The following SYNE2 variants were observed in gnomAD, a reference collection of about 807,000 sequenced individuals.
SYNE2 encodes the protein spectrin repeat containing nuclear envelope protein 2.
SYNE2 carries 431 observed loss-of-function variants against 856.3 expected under a neutral mutation model. The ratio of observed to expected loss-of-function variants is 0.50; its 90% CI spans 0.47 to 0.55. The LOEUF (loss-of-function observed/expected upper bound fraction) is 0.55. SYNE2 is among the 20% of genes least tolerant of loss of function. The pLI, the probability that SYNE2 is intolerant of heterozygous loss-of-function variation, is 0.00. For missense variants in SYNE2, 8,129 were observed against 8,023.2 expected (o/e 1.01, Z -0.50); for synonymous variants, 2,923 against 2,872.3 (o/e 1.02, Z -0.56).
rs200109813 is a variant in SYNE2, at chr14:64,070,844, G to C, written c.10631G>C (p.Ser3544Thr). The part of the protein sequence containing the change: ...RIRSIQNVPE[S>T]SGAVETVPAF... Reference sequence around the variant, plus strand: ...AGAAGTATCCAGAATGTTCCTGAAAGCTCAGGGGCTGTGGAAACTGTTCCA... The same window carrying C: ...AGAAGTATCCAGAATGTTCCTGAAACCTCAGGGGCTGTGGAAACTGTTCCA... The change falls in exon 52 of 116, where the codon AGC (serine) becomes ACC (threonine). Residue 3544 changes from serine (S) to threonine (T), a missense_variant. Ser to Thr is a moderately conservative substitution (Grantham distance 58). This residue lies in a region of SYNE2 where 5,410 missense variants were observed against 5,284.8 expected (regional missense o/e 1.02). Transcript: ENST00000555002. 1 of 1,614,184 alleles carries C rather than the reference G, an allele frequency of 6.2e-7. No homozygotes were observed. The highest frequency in any genetic ancestry group is 1.1e-5 in the South Asian group (1 of 91,086).
chr14:63,941,858 A>G (rs755703872), intron 4 of SYNE2, 27 bp from the exon 5 acceptor site: 76 of 1,612,114 alleles, frequency 4.7e-5, no homozygotes, highest in Non-Finnish European at 4.7e-5. Context: ...ATTTTTTCTG[A>G]GTAATATATT....
chr14:63,917,154 A>C (rs1297682695), intron 2 of SYNE2, among the ~76,000 whole-genome samples: 1 of 152,190 alleles, frequency 6.6e-6, no homozygotes, highest in African/African-American at 2.4e-5. Flanking sequence ...CTTTTGTAGT[A>C]AAGTCCCCAG....
rs753598628 is a variant in SYNE2 at position 64,220,614 on chromosome 14, C to T, written c.20038C>T (p.Arg6680Ter). 8 of 1,613,996 alleles carry T rather than the reference C, an allele frequency of 5.0e-6. No homozygotes were observed. The highest frequency in any genetic ancestry group is 2.2e-5 in the East Asian group (1 of 44,888). Residue 6680 changes from arginine to a stop codon, truncating the protein, a stop_gained, in exon 111 of 116, where the codon CGA becomes TGA. Coordinates refer to ENST00000555002, the MANE Select transcript of SYNE2 (RefSeq NM_182914.3). LOFTEE classifies it high-confidence loss of function. ...GAVDSWRGGL[R>*]QSLMQCQDFH... ...AGTGGACAGCTGGAGAGGGGGCTTACGACAGTCGCTCATGCAGTGCCAGGT... is the reference window on the plus strand; with the variant it reads ...AGTGGACAGCTGGAGAGGGGGCTTATGACAGTCGCTCATGCAGTGCCAGGT...
rs1477457378 is a variant in SYNE2, at chr14:64,152,697, G to C, written c.15773G>C (p.Arg5258Thr). 6.2e-7 allele frequency: 1 copy of C among 1,614,104 alleles called. No individual in the cohort carries two copies. Among genetic ancestry groups the C allele is most frequent in the South Asian group, 1.1e-5 (1 of 91,080 alleles). ...ASRIDELFQK[R>T]SSVLTQVNQL... ...CGAATTGATGAGTTATTTCAAAAGA[G>C]AAGCAGTGTTCTCACTCAGGTACTA... Residue 5258 changes from arginine to threonine, a missense_variant, in exon 85 of 116, where the codon AGA becomes ACA. Physicochemically the swap from Arg to Thr is moderately conservative, Grantham distance 71 (BLOSUM62 -1). Coordinates refer to ENST00000555002, the MANE Select transcript of SYNE2 (RefSeq NM_182914.3).
At chr14:64,061,310 T>C (rs1282120967) in intron 49 of SYNE2, among the ~76,000 whole-genome samples, 1 of 152,210 alleles carries the variant, frequency 6.6e-6, no homozygotes, top group African/African-American at 2.4e-5. Context: ...TTGATGGACA[T>C]TTGGATTGCT....
chr14:63,948,386 G>T (rs938185130), intron 6 of SYNE2, among the ~76,000 whole-genome samples: 1 of 151,978 alleles, frequency 6.6e-6, no homozygotes, highest in South Asian at 2.1e-4. Flanking sequence ...TGCTTAGGCC[G>T]GGTGCGGTGG....
intron 99 of SYNE2, among the ~76,000 whole-genome samples, chr14:64,194,598 A>G (rs965728381): frequency 6.6e-6 from 1 of 152,152 alleles, no homozygotes; most frequent in Admixed American, 6.5e-5. Flanking sequence ...AGCCACCTGC[A>G]CCCAGCCTTT....
intron 56 of SYNE2, 74 bp from the exon 57 acceptor site, chr14:64,081,369 G>A: frequency 6.3e-7 from 1 of 1,594,450 alleles, no homozygotes; most frequent in Non-Finnish European, 8.6e-7. Context: ...AACAGCTATT[G>A]ACTCTTCATC....
intron 101 of SYNE2, 147 bp from the exon 102 acceptor site, chr14:64,209,281 A>G (rs1043076966): frequency 7.5e-7 from 1 of 1,336,794 alleles, no homozygotes; most frequent in Non-Finnish European, 1.0e-6. Context: ...CAGGAGGAGC[A>G]CAGACAAGAA....
rs1814484268 is a variant in SYNE2 at position 64,017,834 on chromosome 14, A to C, written c.5049+78A>C. The C allele has an allele frequency of 2.2e-6, 3 of 1,394,228 alleles. No individual in the cohort carries two copies. The African/African-American group carries it at 4.3e-5, about 20-fold the overall frequency. 86.4% of individuals were successfully genotyped at this position (1,394,228 alleles called of 1,614,324 possible). On this transcript the variant is annotated intron_variant, in intron 34 of 115. Transcript: ENST00000555002. Reference sequence around the variant, plus strand: ...TATTTTTTATGAATATAGTCAACAAACATTAGGATGCTCATATGTGACTTT... The same window carrying C: ...TATTTTTTATGAATATAGTCAACAACCATTAGGATGCTCATATGTGACTTT...
intron 18 of SYNE2, among the ~76,000 whole-genome samples, chr14:63,984,210 C>T (rs915577482): frequency 6.6e-6 from 1 of 152,186 alleles, no homozygotes; most frequent in African/African-American, 2.4e-5. Flanking sequence ...TGCCACTGCA[C>T]TCCAGCCTGG....
chr14:64,188,944 C>T (rs1166676709), intron 98 of SYNE2: 2 of 703,882 alleles, frequency 2.8e-6, no homozygotes, highest in East Asian at 2.7e-5. Context: ...GAGTTGCTTT[C>T]TCTCCATTAG....
chr14:63,775,366 C>T (rs1424496759), intron 1 of SYNE2, among the ~76,000 whole-genome samples: 1 of 150,672 alleles, frequency 6.6e-6, no homozygotes, highest in Admixed American at 6.6e-5. Context: ...CCCCTGCCTC[C>T]CAGTTTCAAG....
chr14:63,850,465 C>G (rs115126333), upstream of SYNE2, among the ~76,000 whole-genome samples: 2 of 151,904 alleles, frequency 1.3e-5, no homozygotes, highest in Non-Finnish European at 2.9e-5. Context: ...TTCATGGCAA[C>G]CCTTACTGTT....
intron 85 of SYNE2, among the ~76,000 whole-genome samples, chr14:64,157,000 T>C (rs187583979): frequency 1.8e-4 from 28 of 152,336 alleles, no homozygotes; most frequent in African/African-American, 6.3e-4. Context: ...TGTGTGATTG[T>C]ACCCAAAACT....
At chr14:63,850,071 A>T (rs529740013), upstream of SYNE2, among the ~76,000 whole-genome samples, 1 of 138,008 alleles carries the variant, frequency 7.2e-6, no homozygotes, top group African/African-American at 2.6e-5. Flanking sequence ...GCATAATATG[A>T]CAACATACTT....
intron 66 of SYNE2, among the ~76,000 whole-genome samples, chr14:64,113,957 G>A (rs1479659094): frequency 2.0e-5 from 3 of 152,140 alleles, no homozygotes; most frequent in Admixed American, 1.3e-4. Context: ...AGGATATAAA[G>A]TTATCTCATA....
In SYNE2 at chr14:64,037,836, CG is replaced by C. The variant is rs1271486592; in HGVS notation, c.7221+6485del. Among the ~76,000 whole-genome samples, 21 of 145,420 alleles carry C rather than the reference CG, an allele frequency of 1.4e-4. No homozygotes were observed. The East Asian group carries it at 4.6e-3, about 32-fold the overall frequency. On this transcript the variant is annotated intron_variant, in intron 45 of 115. Coordinates refer to ENST00000555002, the MANE Select transcript of SYNE2 (RefSeq NM_182914.3). ...CTCCCGGACGGGGCGGCTGGCTGGG[CG>C]GGGGGCTGACACCCCCACCTCCCTC...
At position 64,070,926 on chromosome 14, in the gene SYNE2, A is replaced by C. The variant is rs182397773; in HGVS notation, c.10697+16A>C. 1,537 of 1,614,010 alleles carry C rather than the reference A, an allele frequency of 9.5e-4. 4 individuals carry two copies. Among genetic ancestry groups the C allele is most frequent in the Non-Finnish European group, 1.2e-3 (1,395 of 1,179,894 alleles). On this transcript the variant is annotated intron_variant, in intron 52 of 115. Coordinates refer to ENST00000555002, the MANE Select transcript of SYNE2 (RefSeq NM_182914.3). The stretch of plus-strand genomic sequence containing the variant: ...GATGCAACAAGTAAGATTTATGAAA[A>C]ACTATTAAGGACGTGTGCTTGACAA...
Sources: allele counts gnomAD v4.1 joint callset (sites outside exome capture counted in the v4.1 genomes callset), GRCh38; gene constraint gnomAD v4.1.1; regional missense constraint gnomAD v4.1.1; transcripts MANE v1.5; gene names NCBI Gene and HGNC (gene_info 2026-07-23, HGNC 2026-07-21).